IQSEC3: variants seen among roughly 807,000 people sequenced by gnomAD.
IQSEC3 encodes IQ motif and SEC7 domain-containing protein 3.
Under a neutral mutation model 105.4 loss-of-function variants are expected in IQSEC3, and 50 were observed. That is an observed-to-expected ratio of 0.47 (90% CI 0.38 to 0.60). The LOEUF is 0.60. Among genes scored for constraint, IQSEC3 ranks in the 20% least tolerant of loss-of-function variants. The pLI, the probability that IQSEC3 is intolerant of heterozygous loss-of-function variation, is 0.00. For missense variants in IQSEC3, 1,415 were observed against 1,630.0 expected (o/e 0.87, Z 2.27); for synonymous variants, 708 against 746.0 (o/e 0.95, Z 0.83).
chr12:159,046 G>A (rs1048333127), intron 7 of IQSEC3, among the ~76,000 whole-genome samples: 48 of 152,254 alleles, frequency 3.2e-4, no homozygotes, highest in African/African-American at 1.1e-3. Flanking sequence ...CACCTTCCCT[G>A]ACCCATCCCA....
At position 80,644 on chromosome 12, in the gene IQSEC3, A is replaced by G. The variant is rs1863712557; in HGVS notation, c.554+13208A>G. 3.9e-5 allele frequency among the ~76,000 whole-genome samples: 6 copies of G among 152,146 alleles called. No individual in the cohort carries two copies. In the South Asian group the frequency reaches 6.2e-4, roughly 16 times the overall value. On this transcript the variant is annotated intron_variant, in intron 1 of 13. Coordinates refer to ENST00000538872, the MANE Select transcript of IQSEC3 (RefSeq NM_001170738.2). ...GTTACTATTCTAGGCCCTGGGGTAT[A>G]GCAGTGAACAAAAAAACTCCCAAAT...
At chr12:71,770 G>C (rs1555067616) in intron 1 of IQSEC3, among the ~76,000 whole-genome samples, 2 of 152,266 alleles carry the variant, frequency 1.3e-5, no homozygotes, top group East Asian at 3.8e-4. Flanking sequence ...AGAAGGCCTG[G>C]TTGCTGAGGT....
chr12:128,647 C>A (rs1865494438), intron 3 of IQSEC3, among the ~76,000 whole-genome samples: 1 of 152,154 alleles, frequency 6.6e-6, no homozygotes, highest in Non-Finnish European at 1.5e-5. Flanking sequence ...CCAAGCCCCA[C>A]TGATGCTGCC....
chr12:99,197 C>T lies in IQSEC3; in HGVS notation c.606C>T (p.Ser202=), dbSNP rs782703723. 1.1e-5 allele frequency: 18 copies of T among 1,598,690 alleles called. No individual in the cohort carries two copies. Among genetic ancestry groups the T allele is most frequent in the Admixed American group, 6.7e-5 (4 of 59,956 alleles). The change falls in exon 2 of 14, where the codon TCC becomes TCT. Residue 202 remains serine (S), a synonymous_variant. Transcript: ENST00000538872. ...GCTGCCCAGCCGCCGACGCCTGCTCCGACCTGGCCTCCCAAAGGTGGGAAC... is the reference window on the plus strand; with the variant it reads ...GCTGCCCAGCCGCCGACGCCTGCTCTGACCTGGCCTCCCAAAGGTGGGAAC... ...QFCCPAADAC[S]DLASQSDGSC...
intron 1 of IQSEC3, among the ~76,000 whole-genome samples, chr12:98,393 G>A (rs1467698223): frequency 6.6e-6 from 1 of 152,164 alleles, no homozygotes; most frequent in African/African-American, 2.4e-5. Flanking sequence ...GTCCTGGGGG[G>A]AAGGGAAGGG....
rs73036183 is a variant in IQSEC3, at chr12:158,375, G to A, written c.2443+681G>A. On this transcript the variant is annotated intron_variant, in intron 7 of 13. Coordinates refer to ENST00000538872, the MANE Select transcript of IQSEC3 (RefSeq NM_001170738.2). ...TCGATAAACCGCAGGCTTCTGCTTC[G>A]CTTTTTTCTATCTCTTTTTTTAACT... Among the ~76,000 whole-genome samples the A allele has an allele frequency of 5.9e-3, 891 of 152,132 alleles. 5 individuals are homozygous for A. The highest frequency in any genetic ancestry group is 0.022 in the South Asian group (105 of 4,812).
intron 9 of IQSEC3, among the ~76,000 whole-genome samples, chr12:164,434 C>G (rs1555097548): frequency 2.6e-5 from 4 of 152,142 alleles, no homozygotes; most frequent in African/African-American, 4.8e-5. Flanking sequence ...CCCGCCCTCT[C>G]CTCAGCCCTG....
intron 1 of IQSEC3, among the ~76,000 whole-genome samples, chr12:80,397 A>G (rs1863704583): frequency 6.6e-6 from 1 of 152,190 alleles, no homozygotes; most frequent in African/African-American, 2.4e-5. Flanking sequence ...AGTTTCAGGA[A>G]GCCTTCCTGA....
chr12:117,557 G>C (rs928222597), intron 2 of IQSEC3, among the ~76,000 whole-genome samples: 1 of 152,148 alleles, frequency 6.6e-6, no homozygotes, highest in Admixed American at 6.5e-5. Context: ...CAGTCTGCAG[G>C]AGCCACCCTG....
intron 2 of IQSEC3, among the ~76,000 whole-genome samples, chr12:120,947 C>T (rs903486831): frequency 6.6e-6 from 1 of 152,188 alleles, no homozygotes; most frequent in Non-Finnish European, 1.5e-5. Flanking sequence ...TGACCAGCAT[C>T]GCTCATATAC....
intron 1 of IQSEC3, among the ~76,000 whole-genome samples, chr12:87,638 G>C (rs1863958924): frequency 1.3e-5 from 2 of 152,302 alleles, no homozygotes; most frequent in Middle Eastern, 3.4e-3. Flanking sequence ...CAGGGGAGCA[G>C]AGTTGTAGGG....
intron 1 of IQSEC3, among the ~76,000 whole-genome samples, chr12:74,228 G>A (rs1243913964): frequency 5.9e-5 from 9 of 152,256 alleles, no homozygotes; most frequent in African/African-American, 2.2e-4. Flanking sequence ...GGGATGGAAG[G>A]TAGACCTGTA....
intron 1 of IQSEC3, among the ~76,000 whole-genome samples, chr12:87,517 G>C (rs1230317482): frequency 6.6e-6 from 1 of 152,132 alleles, no homozygotes; most frequent in African/African-American, 2.4e-5. Flanking sequence ...CTAGGCCTCT[G>C]GGGGAAGAAC....
chr12:71,877 G>A (rs1863333940), intron 1 of IQSEC3, among the ~76,000 whole-genome samples: 1 of 152,276 alleles, frequency 6.6e-6, no homozygotes, highest in African/African-American at 2.4e-5. Context: ...ATGGGGCCAG[G>A]ATGAAGGCTC....
At chr12:70,690 T>A (rs780732050) in intron 1 of IQSEC3, among the ~76,000 whole-genome samples, 1 of 152,280 alleles carries the variant, frequency 6.6e-6, no homozygotes, top group Non-Finnish European at 1.5e-5. Flanking sequence ...CTGGCTTCAG[T>A]GGCTTCTAAG....
rs114313702 is a variant in IQSEC3, at chr12:80,360, G to A, written c.554+12924G>A. ...GGTGTTAGCATCTGGCTCTAAACCA[G>A]CTGAAGGTGAGTCCTACAACCCCAG... On this transcript the variant is annotated intron_variant, in intron 1 of 13. Transcript: ENST00000538872. Among the ~76,000 whole-genome samples the A allele has an allele frequency of 3.9e-3, 597 of 152,310 alleles. 5 individuals carry two copies. Among genetic ancestry groups the A allele is most frequent in the African/African-American group, 0.014 (569 of 41,550 alleles).
At chr12:94,397 G>A (rs958702537) in intron 1 of IQSEC3, among the ~76,000 whole-genome samples, 6 of 152,226 alleles carry the variant, frequency 3.9e-5, no homozygotes, top group Admixed American at 3.3e-4. Context: ...GGCAGGGTGG[G>A]TGGCCAGGCT....
At chr12:132,104 G>T (rs190765505) in intron 3 of IQSEC3, among the ~76,000 whole-genome samples, 17 of 152,190 alleles carry the variant, frequency 1.1e-4, no homozygotes, top group Admixed American at 9.8e-4. Flanking sequence ...GGGAGACCCC[G>T]TCTGTTCGGG....
intron 9 of IQSEC3, among the ~76,000 whole-genome samples, chr12:164,379 T>C (rs1867070766): frequency 6.6e-6 from 1 of 152,000 alleles, no homozygotes; most frequent in Non-Finnish European, 1.5e-5. Context: ...GTGATCTCTC[T>C]GGAGTGCACA....
Sources: gnomAD v4.1 joint callset for allele counts (sites outside exome capture counted in the v4.1 genomes callset) on GRCh38, gnomAD v4.1.1 for gene constraint, MANE v1.5 for transcripts, NCBI Gene and HGNC (gene_info 2026-07-23, HGNC 2026-07-21) for gene names.